The following TCERG1L variants were observed in gnomAD, a reference collection of about 807,000 sequenced individuals.
TCERG1L encodes the protein transcription elongation regulator 1 like.
TCERG1L carries 37 observed loss-of-function variants against 56.3 expected under a neutral mutation model. The observed-to-expected ratio is 0.66, with a 90% CI of 0.51 to 0.87. The LOEUF (loss-of-function observed/expected upper bound fraction) is 0.87. TCERG1L is among the 40% of genes least tolerant of loss of function. TCERG1L has a pLI of 0.00. For missense variants in TCERG1L, 799 were observed against 774.2 expected (o/e 1.03, Z -0.38); for synonymous variants, 324 against 326.3 (o/e 0.99, Z 0.08).
chr10:131,169,683 C>T (rs1418034500), intron 4 of TCERG1L, among the ~76,000 whole-genome samples: 1 of 152,124 alleles, frequency 6.6e-6, no homozygotes, highest in Non-Finnish European at 1.5e-5. Context: ...TAATTATATG[C>T]CACACACTCT....
At chr10:131,219,764 C>T (rs1367004260) in intron 4 of TCERG1L, among the ~76,000 whole-genome samples, 1 of 152,174 alleles carries the variant, frequency 6.6e-6, no homozygotes, top group African/African-American at 2.4e-5. Context: ...GACCATTTAT[C>T]CCACGCTTGG....
chr10:131,204,938 G>A (rs996059573), intron 4 of TCERG1L, among the ~76,000 whole-genome samples: 2 of 152,020 alleles, frequency 1.3e-5, no homozygotes, highest in Non-Finnish European at 2.9e-5. Flanking sequence ...TTGACCATGG[G>A]GTCAGGGCTC....
chr10:131,190,231 T>C (rs141516374), intron 4 of TCERG1L, among the ~76,000 whole-genome samples: 51 of 151,928 alleles, frequency 3.4e-4, no homozygotes, highest in African/African-American at 1.2e-3. Flanking sequence ...CAGGAGGAAA[T>C]AGAAACGCTG....
At chr10:131,231,632 C>T (rs1845853291) in intron 4 of TCERG1L, among the ~76,000 whole-genome samples, 1 of 152,196 alleles carries the variant, frequency 6.6e-6, no homozygotes, top group Non-Finnish European at 1.5e-5. Context: ...CACTGCCTTC[C>T]CCCTTTGCAC....
chr10:131,285,538 AAAAG>A (rs1554899550), intron 3 of TCERG1L, among the ~76,000 whole-genome samples: 3 of 37,232 alleles, frequency 8.1e-5, no homozygotes, highest in African/African-American at 2.6e-4. Context: ...GAAAGAAAAG[AAAAG>A]AAAGAAAGGA....
chr10:131,093,056 C>T lies in TCERG1L; in HGVS notation c.*106G>A, dbSNP rs1021232506. Reference sequence around the variant, plus strand: ...CCCGCAGTGCCGGTGCCCGCTGGGCCGTGCAGGTCTCGGCCGCCCCACGCC... The same window carrying T: ...CCCGCAGTGCCGGTGCCCGCTGGGCTGTGCAGGTCTCGGCCGCCCCACGCC... On this transcript the variant is annotated 3_prime_UTR_variant, in exon 12 of 12. Coordinates refer to ENST00000368642, the MANE Select transcript of TCERG1L (RefSeq NM_174937.4). The T allele has an allele frequency of 7.6e-5, 93 of 1,227,178 alleles. No individual in the cohort carries two copies. The highest frequency in any genetic ancestry group is 6.4e-4 in the East Asian group (27 of 42,478). The allele number at this position is 1,227,178 out of a possible 1,614,324, so 76.0% of individuals were successfully genotyped here.
intron 6 of TCERG1L, chr10:131,161,784 A>C (rs886233991): frequency 3.3e-5 from 5 of 152,188 alleles, no homozygotes; most frequent in African/African-American, 9.7e-5. Context: ...TTACATCTCC[A>C]TTAAAATTCT....
At chr10:131,278,189 C>A (rs1846412726) in intron 3 of TCERG1L, among the ~76,000 whole-genome samples, 1 of 152,042 alleles carries the variant, frequency 6.6e-6, no homozygotes, top group African/African-American at 2.4e-5. Context: ...AGCCACGTGA[C>A]CCCGGCCGAG....
chr10:131,226,265 C>T (rs767583459), intron 4 of TCERG1L, among the ~76,000 whole-genome samples: 16 of 151,414 alleles, frequency 1.1e-4, no homozygotes, highest in African/African-American at 3.4e-4. Context: ...TTTTTAGAGA[C>T]GAAGTGTCAC....
intron 4 of TCERG1L, among the ~76,000 whole-genome samples, chr10:131,203,985 G>A (rs988332921): frequency 6.6e-6 from 1 of 152,236 alleles, no homozygotes; most frequent in African/African-American, 2.4e-5. Context: ...CCAATAGGAC[G>A]ATATGAAGAG....
At chr10:131,104,491 A>G (rs1389228147) in intron 9 of TCERG1L, 137 bp from the exon 10 acceptor site, 45 of 604,376 alleles carry the variant, frequency 7.4e-5, no homozygotes, top group South Asian at 2.0e-5. Flanking sequence ...GATGTGGTGC[A>G]GTATAAGTGT....
intron 4 of TCERG1L, among the ~76,000 whole-genome samples, chr10:131,182,695 T>C (rs758083599): frequency 3.9e-5 from 6 of 152,260 alleles, no homozygotes; most frequent in Non-Finnish European, 7.3e-5. Flanking sequence ...AAAAAGCTCA[T>C]ATCAAGTCGG....
At chr10:131,141,342 C>T (rs1662300124) in intron 7 of TCERG1L, among the ~76,000 whole-genome samples, 1 of 152,118 alleles carries the variant, frequency 6.6e-6, no homozygotes. Context: ...AAAACACACC[C>T]TTTACCTCCC....
At chr10:131,203,560 G>A (rs183263682) in intron 4 of TCERG1L, among the ~76,000 whole-genome samples, 27 of 152,312 alleles carry the variant, frequency 1.8e-4, no homozygotes, top group South Asian at 8.3e-4. Flanking sequence ...CATGTCAACC[G>A]TTCACATTCG....
In TCERG1L at chr10:131,256,948, A is replaced by AGAAGGAAGGAAG. The variant is rs71009955; in HGVS notation, c.856+3299_856+3310dup. Among the ~76,000 whole-genome samples, 291 of 60,786 alleles carry AGAAGGAAGGAAG rather than the reference A, an allele frequency of 4.8e-3. 10 individuals carry two copies. The highest frequency in any genetic ancestry group is 7.9e-3 in the Middle Eastern group (1 of 126). 39.9% of individuals were successfully genotyped at this position (60,786 alleles called of 152,430 possible). ...GGAAGGAAGGGAGGGAGGAAGAGAAAGAAGGAAGGAAGGAAGGAAGGAAGG... is the reference window on the plus strand; with the variant it reads ...GGAAGGAAGGGAGGGAGGAAGAGAAAGAAGGAAGGAAGGAAGGAAGGAAGGAAGGAAGGAAGG... On this transcript the variant is annotated intron_variant, in intron 4 of 11. Coordinates refer to ENST00000368642, the MANE Select transcript of TCERG1L (RefSeq NM_174937.4).
At chr10:131,099,758 T>C (rs1282964869) in intron 10 of TCERG1L, among the ~76,000 whole-genome samples, 1 of 152,212 alleles carries the variant, frequency 6.6e-6, no homozygotes, top group African/African-American at 2.4e-5. Flanking sequence ...AAAATGCCAC[T>C]GGTCCCCTGA....
chr10:131,209,644 A>G (rs1589749792), intron 4 of TCERG1L, among the ~76,000 whole-genome samples: 1 of 152,162 alleles, frequency 6.6e-6, no homozygotes, highest in Non-Finnish European at 1.5e-5. Flanking sequence ...AACCACTTTA[A>G]TTCTATAGGA....
chr10:131,279,778 C>CT (rs937217508), intron 3 of TCERG1L, among the ~76,000 whole-genome samples: 1 of 152,138 alleles, frequency 6.6e-6, no homozygotes, highest in Non-Finnish European at 1.5e-5. Flanking sequence ...CGCTTCCGGG[C>CT]TTTGGTGGGT....
intron 4 of TCERG1L, among the ~76,000 whole-genome samples, chr10:131,238,478 C>T (rs1305575897): frequency 6.6e-6 from 1 of 152,128 alleles, no homozygotes; most frequent in Non-Finnish European, 1.5e-5. Flanking sequence ...GGCCAGGAGC[C>T]ACCCCAGCAA....
Sources: gnomAD v4.1 joint callset for allele counts (sites outside exome capture counted in the v4.1 genomes callset) on GRCh38, gnomAD v4.1.1 for gene constraint, MANE v1.5 for transcripts, NCBI Gene and HGNC (gene_info 2026-07-23, HGNC 2026-07-21) for gene names.